KIF3A: variants seen among roughly 807,000 people sequenced by gnomAD.
KIF3A encodes the protein kinesin-like protein KIF3A.
Under a neutral mutation model 92.6 loss-of-function variants are expected in KIF3A, and 27 were observed. The ratio of observed to expected loss-of-function variants is 0.29; its 90% CI spans 0.21 to 0.40. KIF3A has a LOEUF of 0.40. KIF3A is among the 10% of genes least tolerant of loss of function. KIF3A has a pLI of 1.00. For synonymous variants in KIF3A, 250 were observed against 275.4 expected (o/e 0.91, Z 0.92); for missense variants, 581 against 872.6 (o/e 0.67, Z 4.21).
rs1752936978 is a variant in KIF3A, at chr5:132,699,127, T to C, written c.2132+44A>G. On this transcript the variant is annotated intron_variant, in intron 18 of 18. Transcript: ENST00000403231. ...TTCCTGTACATGTATCTAATTAGAA[T>C]ACCTCAATGCCTTCGTTTTACCAGA... 6 of 1,574,468 alleles carry C rather than the reference T, an allele frequency of 3.8e-6. No homozygotes were observed. In the East Asian group the frequency reaches 1.1e-4, roughly 29 times the overall value.
At chr5:132,736,984 G>A (rs1754410644) in intron 1 of KIF3A, 3 of 312,026 alleles carry the variant, frequency 9.6e-6, no homozygotes, top group Admixed American at 9.9e-5. Flanking sequence ...ATGGGGCCTG[G>A]AATAGGGGCA....
chr5:132,700,168 A>G (rs1196084865), intron 17 of KIF3A, 48 bp downstream of exon 17: 1 of 1,013,426 alleles, frequency 9.9e-7, no homozygotes, highest in Admixed American at 2.2e-5. Flanking sequence ...CTATAAAGAA[A>G]CAACAGTAGT....
chr5:132,689,851 A>C (rs1752621961), downstream of KIF3A: 2 of 152,186 alleles, frequency 1.3e-5, no homozygotes. Flanking sequence ...GTTTTACATA[A>C]GCTGGAAGTG....
At chr5:132,710,932 CA>C (rs1561697940) in intron 9 of KIF3A, 26 bp downstream of exon 9, 8 of 1,613,612 alleles carry the variant, frequency 5.0e-6, no homozygotes, top group Non-Finnish European at 6.8e-6. Flanking sequence ...CTAATTTCTA[CA>C]AATCAGATTA....
intron 4 of KIF3A, among the ~76,000 whole-genome samples, chr5:132,722,012 G>A (rs886684918): frequency 6.6e-6 from 1 of 152,316 alleles, no homozygotes; most frequent in Non-Finnish European, 1.5e-5. Flanking sequence ...GTACATATTT[G>A]TAATATGATA....
At chr5:132,726,271 AAT>A (rs1754030385) in intron 3 of KIF3A, 59 bp from the exon 4 acceptor site, 22 of 1,575,772 alleles carry the variant, frequency 1.4e-5, no homozygotes, top group East Asian at 2.2e-5. Context: ...ACGGTTTTAA[AAT>A]ATGTTTATAA....
chr5:132,702,381 A>G (rs556119550), intron 14 of KIF3A, among the ~76,000 whole-genome samples, 169 bp from the exon 15 acceptor site: 1 of 152,356 alleles, frequency 6.6e-6, no homozygotes, highest in South Asian at 2.1e-4. Flanking sequence ...ACTATTTGTT[A>G]AGGTTGAAAA....
In KIF3A at chr5:132,694,819, A is replaced by G. The variant is rs2149888618; in HGVS notation, c.*1815T>C. The stretch of plus-strand genomic sequence containing the variant: ...AGAGTTAAGTAATAAATTTCTAGCT[A>G]TCTTACATACCACAAACAAATGCAG... On this transcript the variant is annotated 3_prime_UTR_variant, in exon 19 of 19. Coordinates refer to ENST00000403231, the MANE Select transcript of KIF3A (RefSeq NM_001300791.2). 6.6e-6 allele frequency: 1 copy of G among 152,494 alleles called. No homozygotes were observed. Among genetic ancestry groups the G allele is most frequent in the South Asian group, 2.1e-4 (1 of 4,830 alleles). The allele number at this position is 152,494 out of a possible 1,614,324, so 9.4% of individuals were successfully genotyped here. A position where few individuals can be genotyped will look rare whatever the true frequency, so the allele number is the denominator to read the frequency against.
At chr5:132,702,445 T>G in intron 14 of KIF3A, 113 bp downstream of exon 14, 1 of 707,626 alleles carries the variant, frequency 1.4e-6, no homozygotes. Flanking sequence ...AGAAATATTT[T>G]ATTTCTTTTA....
rs1199893266 is a variant in KIF3A at position 132,723,200 on chromosome 5, A to G, written c.511-2486T>C. ...CCATGCTCACGGATAGGAAGAATCA[A>G]TATCGTGAAAATGGCCATACTGCCC... On this transcript the variant is annotated intron_variant, in intron 4 of 18. Coordinates refer to ENST00000403231, the MANE Select transcript of KIF3A (RefSeq NM_001300791.2). 8 of 152,362 alleles carry G rather than the reference A, an allele frequency of 5.3e-5. No homozygotes were observed. In the South Asian group the frequency reaches 1.5e-3, roughly 28 times the overall value. The allele number at this position is 152,362 out of a possible 1,614,324, so 9.4% of individuals were successfully genotyped here. A position where few individuals can be genotyped will look rare whatever the true frequency, so the allele number is the denominator to read the frequency against.
chr5:132,728,720 G>A (rs1161460796), intron 2 of KIF3A, among the ~76,000 whole-genome samples: 2 of 151,126 alleles, frequency 1.3e-5, no homozygotes, highest in Non-Finnish European at 2.9e-5. Flanking sequence ...CAGGGTGACA[G>A]AGTGAGACTC....
intron 1 of KIF3A, chr5:132,737,049 C>G: frequency 2.5e-6 from 1 of 403,514 alleles, no homozygotes; most frequent in Non-Finnish European, 4.5e-6. Context: ...AAAGGCCTCA[C>G]CAGGTGTGCA....
In KIF3A at chr5:132,708,889, G is replaced by GT; in HGVS notation, c.1300+17dup. The GT allele has an allele frequency of 1.3e-6, 2 of 1,526,964 alleles. No homozygotes were observed. Among genetic ancestry groups the GT allele is most frequent in the Non-Finnish European group, 1.8e-6 (2 of 1,125,542 alleles). 94.6% of individuals were successfully genotyped at this position (1,526,964 alleles called of 1,614,324 possible). On this transcript the variant is annotated intron_variant, in intron 10 of 18. Transcript: ENST00000403231. The stretch of plus-strand genomic sequence containing the variant: ...AAAAGCCAAAGCTCTGTTAGAGAAT[G>GT]TAAGAGCTACCACTCACTAGGCAAG...
downstream of KIF3A, among the ~76,000 whole-genome samples, chr5:132,689,113 C>T (rs917619834): frequency 1.3e-5 from 2 of 152,130 alleles, no homozygotes; most frequent in Non-Finnish European, 2.9e-5. Context: ...GTAGCCTCTT[C>T]GTAATCATTT....
At chr5:132,731,658 A>C (rs1754234546) in intron 2 of KIF3A, among the ~76,000 whole-genome samples, 1 of 152,210 alleles carries the variant, frequency 6.6e-6, no homozygotes, top group African/African-American at 2.4e-5. Context: ...TAACAAAAAT[A>C]AATTAAAGGA....
At chr5:132,732,698 A>C (rs1754272509) in intron 2 of KIF3A, among the ~76,000 whole-genome samples, 1 of 152,186 alleles carries the variant, frequency 6.6e-6, no homozygotes, top group East Asian at 1.9e-4. Context: ...TCACAAGGTC[A>C]GGAGATCAAG....
intron 1 of KIF3A, 92 bp downstream of exon 1, chr5:132,737,322 T>G (rs1429658321): frequency 4.2e-6 from 6 of 1,431,234 alleles, no homozygotes; most frequent in South Asian, 1.3e-5. Context: ...CCAGGCCGCC[T>G]GCCGGCTCCG....
At chr5:132,720,794 C>T (rs761020395) in intron 4 of KIF3A, 80 bp from the exon 5 acceptor site, 2 of 748,094 alleles carry the variant, frequency 2.7e-6, no homozygotes, top group Non-Finnish European at 4.4e-6. Flanking sequence ...GTGTTGGACA[C>T]TCTACTAGAC....
Position 132,694,675 on chromosome 5 carries a change from CAG to C in KIF3A, c.*1957_*1958del, listed in dbSNP as rs1218646323. The stretch of plus-strand genomic sequence containing the variant: ...AAGATTTCTTTAGAGTAATTACTAA[CAG>C]AGTTAAATGTGTATCATCAAAAACA... On this transcript the variant is annotated 3_prime_UTR_variant, in exon 19 of 19. Coordinates refer to ENST00000403231, the MANE Select transcript of KIF3A (RefSeq NM_001300791.2). 2 of 152,342 alleles carry C rather than the reference CAG, an allele frequency of 1.3e-5. No homozygotes were observed. The highest frequency in any genetic ancestry group is 2.1e-4 in the South Asian group (1 of 4,830). The allele number at this position is 152,342 out of a possible 1,614,324, so 9.4% of individuals were successfully genotyped here. A position where few individuals can be genotyped will look rare whatever the true frequency, so the allele number is the denominator to read the frequency against.
Sources: gnomAD v4.1 joint callset for allele counts (sites outside exome capture counted in the v4.1 genomes callset) on GRCh38, gnomAD v4.1.1 for gene constraint, MANE v1.5 for transcripts, NCBI Gene and HGNC (gene_info 2026-07-23, HGNC 2026-07-21) for gene names.